AIG1: variants seen among roughly 807,000 people sequenced by gnomAD.
The protein encoded by AIG1 is androgen induced 1.
AIG1 carries 23 observed loss-of-function variants against 31.4 expected under a neutral mutation model. The ratio of observed to expected loss-of-function variants is 0.73; its 90% CI spans 0.53 to 1.04. The LOEUF is 1.04. Ranked by LOEUF, AIG1 falls within the 50% of genes least tolerant of loss-of-function variation. AIG1 has a pLI of 0.00. For missense variants in AIG1, 274 were observed against 295.0 expected, an observed-to-expected ratio of 0.93 and a Z score of 0.52; for synonymous variants, 100 against 110.5, an observed-to-expected ratio of 0.90 and a Z score of 0.60.
chr6:143,179,041 C>T (rs79607297), intron 3 of AIG1, among the ~76,000 whole-genome samples: 154 of 152,076 alleles, frequency 1.0e-3, no homozygotes, highest in African/African-American at 3.6e-3. Context: ...AGAGAGAAAA[C>T]CCATGGATAA....
intron 2 of AIG1, among the ~76,000 whole-genome samples, chr6:143,142,168 G>A (rs1784297243): frequency 6.6e-6 from 1 of 151,990 alleles, no homozygotes; most frequent in Non-Finnish European, 1.5e-5. Flanking sequence ...AACCCCCTGG[G>A]TTTAGGGGTC....
chr6:143,248,258 T>C (rs921084487), intron 3 of AIG1, among the ~76,000 whole-genome samples: 12 of 152,248 alleles, frequency 7.9e-5, no homozygotes, highest in Non-Finnish European at 1.2e-4. Context: ...TTGATAGTCA[T>C]GTGCCCTAAG....
At chr6:143,096,509 A>G (rs757929064) in intron 1 of AIG1, among the ~76,000 whole-genome samples, 6 of 152,190 alleles carry the variant, frequency 3.9e-5, no homozygotes, top group Non-Finnish European at 8.8e-5. Context: ...AAGTTATTTT[A>G]AAGACCTCAC....
intron 3 of AIG1, among the ~76,000 whole-genome samples, chr6:143,219,829 G>C (rs1792329985): frequency 1.3e-5 from 2 of 152,102 alleles, no homozygotes; most frequent in Admixed American, 1.3e-4. Flanking sequence ...TGGAAAACTT[G>C]TCCCTGTGCC....
intron 1 of AIG1, 126 bp from the exon 2 acceptor site, chr6:143,136,709 C>T: frequency 2.2e-6 from 2 of 905,378 alleles, no homozygotes; most frequent in South Asian, 4.4e-5. Flanking sequence ...CTAGGAGCAG[C>T]TCTTTAAAAT....
chr6:143,187,799 T>G, intron 3 of AIG1: 1 of 1,500,420 alleles, frequency 6.7e-7, no homozygotes, highest in South Asian at 1.3e-5. Context: ...GAAGCGAAGT[T>G]TTGCCAAGTT....
Position 143,282,961 on chromosome 6 carries a change from C to T in AIG1, c.400-1149C>T, listed in dbSNP as rs1298477173. Among the ~76,000 whole-genome samples the T allele has an allele frequency of 5.9e-5, 9 of 152,146 alleles. No homozygotes were observed. The East Asian group carries it at 1.2e-3, about 20-fold the overall frequency. On this transcript the variant is annotated intron_variant, in intron 3 of 5. Transcript: ENST00000357847. ...AAATAATACAGGAAGAGCAAGGCAA[C>T]GATTCTTTCACGGCTGTTTAGGAAG...
chr6:143,323,402 A>C lies in AIG1; in HGVS notation c.516-9880A>C, dbSNP rs117037838. 7.7e-3 allele frequency among the ~76,000 whole-genome samples: 1,177 copies of C among 152,148 alleles called. 36 individuals are homozygous for C. The highest frequency in any genetic ancestry group is 0.048 in the Admixed American group (727 of 15,278). ...CTGTACATTTGGGCTAGCTCCACTG[A>C]AAAAAAATTGGGACAGCTTTGATGA... On this transcript the variant is annotated intron_variant, in intron 4 of 5. Transcript: ENST00000357847.
chr6:143,274,124 G>A lies in AIG1; in HGVS notation c.400-9986G>A, dbSNP rs561262444. 4.2e-4 allele frequency among the ~76,000 whole-genome samples: 64 copies of A among 152,222 alleles called. 2 individuals carry two copies. The South Asian group carries it at 0.012, about 28-fold the overall frequency. On this transcript the variant is annotated intron_variant, in intron 3 of 5. Coordinates refer to ENST00000357847, the MANE Select transcript of AIG1 (RefSeq NM_016108.4). ...ATCTTAAGAAGCTGAATGGTGGGGC[G>A]ATGAGAGACGATTTCAGGTTCCTTC...
intron 3 of AIG1, among the ~76,000 whole-genome samples, chr6:143,196,361 ACAC>A (rs1255218656): frequency 6.9e-6 from 1 of 145,064 alleles, no homozygotes; most frequent in Non-Finnish European, 1.5e-5. Context: ...ACACACACAC[ACAC>A]ACACACACAC....
chr6:143,261,293 G>A (rs117749964), intron 3 of AIG1, among the ~76,000 whole-genome samples: 1,567 of 152,222 alleles, frequency 0.01, 44 homozygotes, highest in East Asian at 0.065. Context: ...CACCATGCAC[G>A]GGTTATTTTT....
In AIG1 at chr6:143,328,764, C is replaced by T. The variant is rs984077112; in HGVS notation, c.516-4518C>T. On this transcript the variant is annotated intron_variant, in intron 4 of 5. Coordinates refer to ENST00000357847, the MANE Select transcript of AIG1 (RefSeq NM_016108.4). The surrounding 1 kb of genome is among the most constrained non-coding windows in gnomAD (Gnocchi z 4.0). ...TTTTAATTGTACATAAACGTGAATGCAAACGGAGGTACATTTAATAAAATA... is the reference window on the plus strand; with the variant it reads ...TTTTAATTGTACATAAACGTGAATGTAAACGGAGGTACATTTAATAAAATA... 1.3e-5 allele frequency among the ~76,000 whole-genome samples: 2 copies of T among 152,014 alleles called. No individual in the cohort carries two copies. Among genetic ancestry groups the T allele is most frequent in the Non-Finnish European group, 2.9e-5 (2 of 67,988 alleles).
At chr6:143,195,810 T>C (rs1287836120) in intron 3 of AIG1, among the ~76,000 whole-genome samples, 1 of 150,808 alleles carries the variant, frequency 6.6e-6, no homozygotes, top group Non-Finnish European at 1.5e-5. Context: ...GCACAGGTGC[T>C]CCCGAGTGCC....
chr6:143,320,826 T>G (rs1776149478), intron 4 of AIG1, among the ~76,000 whole-genome samples: 1 of 151,826 alleles, frequency 6.6e-6, no homozygotes, highest in South Asian at 2.1e-4. Context: ...GTAGATTTTT[T>G]TTTTTTTTTT....
chr6:143,066,726 A>C (rs1776746327), intron 1 of AIG1, among the ~76,000 whole-genome samples: 1 of 152,208 alleles, frequency 6.6e-6, no homozygotes, highest in Non-Finnish European at 1.5e-5. Context: ...AATTTAAATA[A>C]TCTTCAGGGC....
chr6:143,134,281 GTTA>G (rs1200424126), intron 1 of AIG1, among the ~76,000 whole-genome samples: 9 of 151,208 alleles, frequency 6.0e-5, no homozygotes, highest in African/African-American at 2.2e-4. Flanking sequence ...TTAATGCAAT[GTTA>G]TTAATTCCCA....
At chr6:143,219,419 A>G (rs1457499847) in intron 3 of AIG1, among the ~76,000 whole-genome samples, 4 of 152,170 alleles carry the variant, frequency 2.6e-5, no homozygotes, top group African/African-American at 9.7e-5. Flanking sequence ...GCCGTGATCT[A>G]TGATTGTGCC....
chr6:143,227,160 T>C (rs1216630638), intron 3 of AIG1, among the ~76,000 whole-genome samples: 1 of 152,098 alleles, frequency 6.6e-6, no homozygotes, highest in Non-Finnish European at 1.5e-5. Flanking sequence ...AAATTAAGTC[T>C]CTTGAACAAA....
At chr6:143,071,786 G>A (rs1222809082) in intron 1 of AIG1, among the ~76,000 whole-genome samples, 1 of 149,318 alleles carries the variant, frequency 6.7e-6, no homozygotes, top group East Asian at 2.0e-4. Flanking sequence ...TCTTGTGTGT[G>A]TGTGTGTATG....
Sources: gnomAD v4.1 joint callset for allele counts (sites outside exome capture counted in the v4.1 genomes callset) on GRCh38, gnomAD v4.1.1 for gene constraint, Gnocchi (gnomAD v3.1) non-coding constraint, MANE v1.5 for transcripts, NCBI Gene and HGNC (gene_info 2026-07-23, HGNC 2026-07-21) for gene names.